Variants in DYSF observed in about 807,000 individuals in gnomAD.
DYSF encodes dysferlin, also known as dystrophy-associated fer-1-like 1.
In DYSF, 212 loss-of-function variants were observed where a neutral mutation model predicts 274.9. That is an observed-to-expected ratio of 0.77 (90% CI 0.69 to 0.86). The LOEUF (loss-of-function observed/expected upper bound fraction) is 0.86, where lower values mean the gene tolerates loss of function less well. Among genes scored for constraint, DYSF ranks in the 40% least tolerant of loss-of-function variants. DYSF has a pLI of 0.00. For synonymous variants in DYSF, 1,091 were observed against 1,078.7 expected (o/e 1.01, Z -0.22); for missense variants, 2,666 against 2,783.2 (o/e 0.96, Z 0.95).
chr2:71,664,464 G>GCTTCTCTGACAACACACCACCCCTGT (rs542850691), intron 46 of DYSF, 26 bp downstream of exon 46: 5 of 1,612,892 alleles, frequency 3.1e-6, no homozygotes, highest in Non-Finnish European at 4.2e-6. Flanking sequence ...CTGGCTGCCT[G>GCTTCTCTGACAACACACCACCCCTGT]CTTCTCTGAC....
At chr2:71,650,251 C>T (rs2094632951) in intron 42 of DYSF, among the ~76,000 whole-genome samples, 1 of 152,160 alleles carries the variant, frequency 6.6e-6, no homozygotes, top group Non-Finnish European at 1.5e-5. Context: ...GAGGCCGAAG[C>T]AGGCAGATCA....
chr2:71,611,632 C>T lies in DYSF; in HGVS notation c.4221+6C>T. 2 of 1,612,942 alleles carry T rather than the reference C, an allele frequency of 1.2e-6. 1 individual carries two copies. ...GCACCCTCTTCATGGAAGTGGTGAG[C>T]CCCACCTCCCTACTGTCCCCTTCCA... On this transcript the variant is annotated splice_donor_region_variant and intron_variant, in intron 38 of 55. Transcript: ENST00000410020.
chr2:71,539,050 GC>G (rs1006145728), intron 16 of DYSF, 106 bp from the exon 17 acceptor site: 9 of 955,212 alleles, frequency 9.4e-6, no homozygotes, highest in African/African-American at 1.6e-5. Flanking sequence ...CTCTCTGCCT[GC>G]CCCCCGCCCC....
chr2:71,515,772 G>C, intron 8 of DYSF, 21 bp downstream of exon 8: 1 of 1,613,958 alleles, frequency 6.2e-7, no homozygotes, highest in South Asian at 1.1e-5. Context: ...TGGGGCATGA[G>C]GGCCAGAACC....
chr2:71,492,778 T>G (rs2083981636), intron 3 of DYSF, among the ~76,000 whole-genome samples: 2 of 145,898 alleles, frequency 1.4e-5, no homozygotes, highest in South Asian at 2.4e-4. Context: ...AGGTAAGTCA[T>G]ATTCATCACG....
chr2:71,625,988 T>C (rs1485854049), intron 41 of DYSF, among the ~76,000 whole-genome samples: 3 of 152,058 alleles, frequency 2.0e-5, no homozygotes, highest in Non-Finnish European at 2.9e-5. Context: ...CATATACAGA[T>C]TTTATATCCA....
chr2:71,503,349 A>G, intron 4 of DYSF, 30 bp downstream of exon 4: 1 of 1,610,926 alleles, frequency 6.2e-7, no homozygotes, highest in Non-Finnish European at 8.5e-7. Context: ...TGCCAGGTTA[A>G]GGTCCAAGGC....
intron 1 of DYSF, among the ~76,000 whole-genome samples, chr2:71,475,438 A>G (rs369752296): frequency 3.9e-4 from 60 of 152,324 alleles, no homozygotes; most frequent in African/African-American, 1.4e-3. Flanking sequence ...GTTCAGAGCT[A>G]GAAGCACACT....
chr2:71,469,731 T>C (rs1326557210), intron 1 of DYSF, among the ~76,000 whole-genome samples: 2 of 152,256 alleles, frequency 1.3e-5, no homozygotes, highest in Non-Finnish European at 2.9e-5. Context: ...TACTAATGAA[T>C]ACTTCTCATT....
At chr2:71,632,587 T>TA (rs956470757) in intron 41 of DYSF, among the ~76,000 whole-genome samples, 85 of 152,344 alleles carry the variant, frequency 5.6e-4, no homozygotes, top group African/African-American at 2.0e-3. Context: ...AGAAGGAAGA[T>TA]AAGGTATGCT....
At chr2:71,547,652 A>C (rs1302399581) in intron 17 of DYSF, among the ~76,000 whole-genome samples, 1 of 152,156 alleles carries the variant, frequency 6.6e-6, no homozygotes, top group Non-Finnish European at 1.5e-5. Flanking sequence ...TAAATAAATA[A>C]ATAAAAAGAA....
chr2:71,573,622 C>T (rs1558510469), intron 29 of DYSF, among the ~76,000 whole-genome samples: 1 of 152,140 alleles, frequency 6.6e-6, no homozygotes, highest in Admixed American at 6.5e-5. Context: ...GCTGCAGACC[C>T]ACTACAGGAT....
intron 55 of DYSF, 139 bp downstream of exon 55, chr2:71,682,816 C>A: frequency 8.0e-7 from 1 of 1,254,932 alleles, no homozygotes; most frequent in Non-Finnish European, 1.1e-6. Flanking sequence ...GATGAGGATA[C>A]AGAGCCCAGC....
At chr2:71,552,076 A>G (rs886566542) in intron 19 of DYSF, among the ~76,000 whole-genome samples, 1 of 152,210 alleles carries the variant, frequency 6.6e-6, no homozygotes, top group Non-Finnish European at 1.5e-5. Flanking sequence ...CACCTCTGCC[A>G]TTACTGACTC....
intron 17 of DYSF, among the ~76,000 whole-genome samples, chr2:71,547,438 A>G (rs2090568140): frequency 6.6e-6 from 1 of 152,214 alleles, no homozygotes; most frequent in South Asian, 2.1e-4. Context: ...ACCTGAGTTC[A>G]GGAGTTCGAG....
chr2:71,474,982 G>A (rs977535324), intron 1 of DYSF, among the ~76,000 whole-genome samples: 1 of 152,158 alleles, frequency 6.6e-6, no homozygotes, highest in African/African-American at 2.4e-5. Flanking sequence ...GGCCCCCTCA[G>A]AACCCTGTGC....
At chr2:71,534,973 G>T in intron 14 of DYSF, 48 bp from the exon 15 acceptor site, 1 of 1,605,038 alleles carries the variant, frequency 6.2e-7, no homozygotes, top group Non-Finnish European at 8.5e-7. Context: ...GGGGAGCCCA[G>T]AGTCCCCATG....
In DYSF at chr2:71,561,819, C is replaced by T. The variant is rs181551438; in HGVS notation, c.2284C>T (p.Arg762Cys). 60 of 1,614,174 alleles carry T rather than the reference C, an allele frequency of 3.7e-5. No homozygotes were observed. The highest frequency in any genetic ancestry group is 8.8e-5 in the South Asian group (8 of 91,080). ...THLDQYLYQL[R>C]THHLSQITEA... ...CCTGGACCAGTACCTGTACCAGCTG[C>T]GCACCCATCACCTGAGCCAAATCAC... Residue 762 changes from arginine (R) to cysteine (C), a missense_variant, in exon 23 of 56, where the codon CGC (arginine) becomes TGC (cysteine). Coordinates refer to ENST00000410020, the MANE Select transcript of DYSF (RefSeq NM_001130987.2).
intron 30 of DYSF, among the ~76,000 whole-genome samples, chr2:71,581,639 G>A (rs2092901898): frequency 6.6e-6 from 1 of 152,334 alleles, no homozygotes; most frequent in East Asian, 1.9e-4. Flanking sequence ...AGGAGCCTGG[G>A]AAGAGCCTTG....
Sources: allele counts gnomAD v4.1 joint callset (sites outside exome capture counted in the v4.1 genomes callset), GRCh38; gene constraint gnomAD v4.1.1; transcripts MANE v1.5; gene names NCBI Gene and HGNC (gene_info 2026-07-23, HGNC 2026-07-21).